Variants in PRIM2 observed in about 807,000 individuals in gnomAD.
PRIM2 encodes the protein DNA primase large subunit.
Under a neutral mutation model 67.3 loss-of-function variants are expected in PRIM2, and 39 were observed. The ratio of observed to expected loss-of-function variants is 0.58; its 90% CI spans 0.45 to 0.76. The LOEUF (loss-of-function observed/expected upper bound fraction) is 0.76. PRIM2 is among the 30% of genes least tolerant of loss of function. The probability of loss-of-function intolerance (pLI) is 0.00; values close to 1 mark genes in which losing one functional copy is unlikely to be tolerated. For synonymous variants in PRIM2, 143 were observed against 198.7 expected (o/e 0.72, Z 2.36); for missense variants, 398 against 598.7 (o/e 0.66, Z 3.50).
chr6:57,457,395 G>A (rs1772831924), intron 7 of PRIM2, among the ~76,000 whole-genome samples: 1 of 152,242 alleles, frequency 6.6e-6, no homozygotes, highest in African/African-American at 2.4e-5. Context: ...GGTGGAGTCT[G>A]CAGAGGCAGG....
chr6:57,320,057 G>C (rs1156690496), intron 2 of PRIM2, among the ~76,000 whole-genome samples: 1 of 152,188 alleles, frequency 6.6e-6, no homozygotes, highest in African/African-American at 2.4e-5. Context: ...GAAAGGAAGG[G>C]ATGCTTTTTT....
intron 7 of PRIM2, among the ~76,000 whole-genome samples, chr6:57,440,944 G>T (rs1426088646): frequency 6.6e-6 from 1 of 152,068 alleles, no homozygotes; most frequent in Non-Finnish European, 1.5e-5. Flanking sequence ...TGCTGATTTG[G>T]CATAAACAGT....
rs375328725 is a variant in PRIM2 at position 57,421,598 on chromosome 6, A to G, written c.693+39430A>G. Among the ~76,000 whole-genome samples, 14 of 152,322 alleles carry G rather than the reference A, an allele frequency of 9.2e-5. No homozygotes were observed. The East Asian group carries it at 9.6e-4, about 10-fold the overall frequency. ...TGAGTTTTCTTTTGTAAGTATTACA[A>G]TGATCATTGTTAACAGTTTGACCTT... On this transcript the variant is annotated intron_variant, in intron 7 of 13. Transcript: ENST00000615550.
intron 10 of PRIM2, among the ~76,000 whole-genome samples, chr6:57,566,780 A>T (rs1775751327): frequency 6.6e-6 from 1 of 152,198 alleles, no homozygotes; most frequent in African/African-American, 2.4e-5. Context: ...AATTCAGGAA[A>T]GAATAGGTAA....
intron 12 of PRIM2, among the ~76,000 whole-genome samples, chr6:57,620,244 G>A (rs1287886863): frequency 0.031 from 4,707 of 152,154 alleles, 225 homozygotes; most frequent in African/African-American, 0.11. Flanking sequence ...AAAGATCTTC[G>A]CCTAGGCACA....
chr6:57,229,599 T>C, the PRIM2 span, among the ~76,000 whole-genome samples: 1 of 152,158 alleles, frequency 6.6e-6, no homozygotes, highest in Non-Finnish European at 1.5e-5. Flanking sequence ...GCAATTCTCT[T>C]GCCTTAGCCT....
intron 12 of PRIM2, among the ~76,000 whole-genome samples, chr6:57,610,088 A>C (rs1776636161): frequency 6.6e-6 from 1 of 152,080 alleles, no homozygotes; most frequent in East Asian, 1.9e-4. Flanking sequence ...AAATTTTTGG[A>C]GACAGAGTCT....
At chr6:57,411,673 C>T (rs1308815922) in intron 7 of PRIM2, among the ~76,000 whole-genome samples, 1 of 152,002 alleles carries the variant, frequency 6.6e-6, no homozygotes, top group East Asian at 1.9e-4. Context: ...GTCAATTTTG[C>T]ATTCCTGGGA....
the PRIM2 span, among the ~76,000 whole-genome samples, chr6:57,255,758 TA>T: frequency 0.6 from 90,581 of 151,886 alleles, 28,194 homozygotes; most frequent in East Asian, 0.82. Context: ...AGAATGATCA[TA>T]AAAAAACTTC....
At chr6:57,349,688 A>C (rs1319592092) in intron 5 of PRIM2, among the ~76,000 whole-genome samples, 1 of 152,154 alleles carries the variant, frequency 6.6e-6, no homozygotes, top group Admixed American at 6.5e-5. Flanking sequence ...TAGTATTATT[A>C]GCCCTGACTG....
intron 10 of PRIM2, among the ~76,000 whole-genome samples, chr6:57,577,986 A>T (rs1182648018): frequency 6.6e-6 from 1 of 152,076 alleles, no homozygotes; most frequent in Admixed American, 6.6e-5. Context: ...TTTAGTTCTC[A>T]TGTCTCCTAA....
intron 7 of PRIM2, among the ~76,000 whole-genome samples, chr6:57,442,053 A>G (rs1429912312): frequency 1.3e-5 from 2 of 152,236 alleles, no homozygotes; most frequent in African/African-American, 4.8e-5. Flanking sequence ...AGAGGAACAT[A>G]TTAGGAAAAA....
the PRIM2 span, among the ~76,000 whole-genome samples, chr6:57,309,489 C>T: frequency 6.6e-6 from 1 of 152,010 alleles, no homozygotes; most frequent in East Asian, 1.9e-4. Context: ...TTTATGGCTG[C>T]ATAGTATTCC....
intron 8 of PRIM2, among the ~76,000 whole-genome samples, chr6:57,513,984 G>C (rs1774426536): frequency 6.6e-6 from 1 of 152,146 alleles, no homozygotes; most frequent in Non-Finnish European, 1.5e-5. Context: ...GATAAAGCAA[G>C]CTAAAACAAG....
intron 13 of PRIM2, among the ~76,000 whole-genome samples, chr6:57,641,678 T>C (rs1278210312): frequency 1.2e-4 from 18 of 152,312 alleles, no homozygotes; most frequent in East Asian, 9.6e-4. Flanking sequence ...AAAACTGCAA[T>C]GAGATACCAT....
intron 5 of PRIM2, among the ~76,000 whole-genome samples, chr6:57,367,445 GTTAT>G (rs1190347603): frequency 6.6e-6 from 1 of 152,066 alleles, no homozygotes; most frequent in Non-Finnish European, 1.5e-5. Context: ...AAATATTTGG[GTTAT>G]TTATCACTGT....
intron 5 of PRIM2, among the ~76,000 whole-genome samples, chr6:57,352,041 T>G (rs1025923811): frequency 6.6e-5 from 10 of 152,336 alleles, no homozygotes; most frequent in African/African-American, 2.2e-4. Context: ...AGGCATATAG[T>G]AAATACTCAT....
chr6:57,342,437 T>C (rs1768525532), intron 5 of PRIM2, among the ~76,000 whole-genome samples: 1 of 108,124 alleles, frequency 9.2e-6, no homozygotes, highest in South Asian at 3.4e-4. Flanking sequence ...GTTTCTTCAG[T>C]TGGCCAGTTA....
At chr6:57,364,409 A>G (rs1322412656) in intron 5 of PRIM2, among the ~76,000 whole-genome samples, 1 of 152,134 alleles carries the variant, frequency 6.6e-6, no homozygotes, top group Non-Finnish European at 1.5e-5. Context: ...TAGGGGTATT[A>G]TGTCAGGTAT....
Sources: gnomAD v4.1 joint callset for allele counts (sites outside exome capture counted in the v4.1 genomes callset) on GRCh38, gnomAD v4.1.1 for gene constraint, MANE v1.5 for transcripts, NCBI Gene and HGNC (gene_info 2026-07-23, HGNC 2026-07-21) for gene names.